The following GRIP1 variants were observed in gnomAD, a reference collection of about 807,000 sequenced individuals.
GRIP1 encodes glutamate receptor-interacting protein 1.
In GRIP1, 45 loss-of-function variants were observed where a neutral mutation model predicts 129.9. The ratio of observed to expected loss-of-function variants is 0.35; its 90% CI spans 0.27 to 0.44. GRIP1 has a LOEUF of 0.44. GRIP1 is among the 20% of genes least tolerant of loss of function. GRIP1 has a pLI of 1.00. For synonymous variants in GRIP1, 530 were observed against 520.8 expected, an observed-to-expected ratio of 1.02 and a Z score of -0.24; for missense variants, 1,196 against 1,396.8, an observed-to-expected ratio of 0.86 and a Z score of 2.29.
At position 66,406,296 on chromosome 12, in the gene GRIP1, A is replaced by G. The variant is rs1730435928; in HGVS notation, c.1971T>C (p.Asp657=). ...EDLVKLKIRK[D]EDNSDEQESS... ...TGCTCTCAATACCTGAATTATCTTC[A>G]TCTTTGCGGATTTTGAGCTTCACCA... The change falls in exon 16 of 25, where the codon GAT becomes GAC. Residue 657 remains aspartate, a synonymous_variant. Coordinates refer to ENST00000359742, the MANE Select transcript of GRIP1 (RefSeq NM_001366722.1). 6.2e-7 allele frequency: 1 copy of G among 1,614,030 alleles called. No homozygotes were observed. Among genetic ancestry groups the G allele is most frequent in the Admixed American group, 1.7e-5 (1 of 60,004 alleles).
In GRIP1 at chr12:67,068,952, CGGGT is replaced by C. The variant is rs1173725396; in HGVS notation, c.58+94_58+97del. ...GGGCGCGGCGCCCCTCCCCCGTCGG[CGGGT>C]GGACGGGTCGGGAGGGAGCCGGGGA... On this transcript the variant is annotated intron_variant, in intron 1 of 1. Coordinates refer to the GRIP1 transcript ENST00000643019. The C allele has an allele frequency of 2.2e-5, 10 of 450,948 alleles. No individual in the cohort carries two copies. The Admixed American group carries it at 6.5e-4, about 29-fold the overall frequency. The allele number at this position is 450,948 out of a possible 1,614,324, so 27.9% of individuals were successfully genotyped here. A position where few individuals can be genotyped will look rare whatever the true frequency, so the allele number is the denominator to read the frequency against.
At chr12:66,352,513 A>G (rs1285799461) in intron 24 of GRIP1, among the ~76,000 whole-genome samples, 5 of 151,942 alleles carry the variant, frequency 3.3e-5, no homozygotes, top group Admixed American at 1.3e-4. Context: ...TGGGTGGATC[A>G]CTTGAGGTCA....
intron 1 of GRIP1, among the ~76,000 whole-genome samples, chr12:67,056,248 T>C (rs1429318079): frequency 6.6e-6 from 1 of 152,158 alleles, no homozygotes; most frequent in Non-Finnish European, 1.5e-5. Context: ...AGTGAACATA[T>C]CTAGCATCTA....
At chr12:66,886,542 A>T (rs1418595977) in intron 1 of GRIP1, among the ~76,000 whole-genome samples, 1 of 152,096 alleles carries the variant, frequency 6.6e-6, no homozygotes, top group East Asian at 1.9e-4. Context: ...TCCCTGTTGA[A>T]AATGCTCTCA....
At chr12:66,748,133 C>T (rs1372318182) in intron 1 of GRIP1, among the ~76,000 whole-genome samples, 1 of 152,086 alleles carries the variant, frequency 6.6e-6, no homozygotes, top group Non-Finnish European at 1.5e-5. Context: ...ATTCTCCTGC[C>T]TCAGCCTCCC....
intron 7 of GRIP1, among the ~76,000 whole-genome samples, chr12:66,508,699 A>G (rs571270927): frequency 3.3e-5 from 5 of 152,274 alleles, no homozygotes; most frequent in Admixed American, 2.0e-4. Flanking sequence ...CAACTACAAT[A>G]GTTTGTTGGT....
intron 1 of GRIP1, among the ~76,000 whole-genome samples, chr12:66,940,365 G>T (rs925527145): frequency 2.6e-5 from 4 of 152,068 alleles, no homozygotes; most frequent in African/African-American, 9.7e-5. Context: ...TAGTAGGTGC[G>T]CTCAGTGAGT....
At chr12:66,892,710 C>A (rs2137237257) in intron 1 of GRIP1, among the ~76,000 whole-genome samples, 1 of 152,226 alleles carries the variant, frequency 6.6e-6, no homozygotes, top group South Asian at 2.1e-4. Context: ...ACGTGCAATC[C>A]CTGCATTTTG....
intron 1 of GRIP1, among the ~76,000 whole-genome samples, chr12:66,927,326 GT>G (rs924111518): frequency 6.6e-6 from 1 of 152,140 alleles, no homozygotes; most frequent in African/African-American, 2.4e-5. Context: ...CAGGCAATGT[GT>G]CAGATGTTAG....
intron 7 of GRIP1, among the ~76,000 whole-genome samples, chr12:66,467,023 A>C (rs2059305234): frequency 6.6e-6 from 1 of 152,222 alleles, no homozygotes; most frequent in African/African-American, 2.4e-5. Flanking sequence ...GACAATATCC[A>C]GGCCAACAAC....
At chr12:66,921,687 C>T (rs2041215854) in intron 1 of GRIP1, among the ~76,000 whole-genome samples, 2 of 152,228 alleles carry the variant, frequency 1.3e-5, no homozygotes, top group Admixed American at 1.3e-4. Flanking sequence ...GGACTGAACA[C>T]ACAAATCAGG....
At chr12:66,700,305 A>G (rs2035305492) in intron 1 of GRIP1, among the ~76,000 whole-genome samples, 1 of 152,162 alleles carries the variant, frequency 6.6e-6, no homozygotes, top group South Asian at 2.1e-4. Context: ...CTAAAAGTTC[A>G]GCCTGGGAGT....
chr12:66,684,672 C>A (rs1592741558), intron 1 of GRIP1, among the ~76,000 whole-genome samples: 1 of 152,094 alleles, frequency 6.6e-6, no homozygotes, highest in African/African-American at 2.4e-5. Flanking sequence ...TGGTGAAACC[C>A]TGTGTCTACT....
At chr12:67,055,790 G>C (rs929298161) in intron 1 of GRIP1, among the ~76,000 whole-genome samples, 2 of 152,188 alleles carry the variant, frequency 1.3e-5, no homozygotes, top group African/African-American at 2.4e-5. Flanking sequence ...AAAGTATTTA[G>C]AGACCCCCCA....
At chr12:67,013,931 C>T (rs557048154) in intron 1 of GRIP1, among the ~76,000 whole-genome samples, 1 of 152,326 alleles carries the variant, frequency 6.6e-6, no homozygotes, top group Admixed American at 6.5e-5. Flanking sequence ...CCAATCAGCG[C>T]AAGCTCAAGA....
At chr12:66,979,371 T>C (rs1457240390) in intron 1 of GRIP1, among the ~76,000 whole-genome samples, 1 of 149,904 alleles carries the variant, frequency 6.7e-6, no homozygotes, top group Non-Finnish European at 1.5e-5. Flanking sequence ...AATGAGTGAA[T>C]GCAGGAGTGA....
chr12:66,583,131 A>G (rs1177623216), intron 2 of GRIP1, among the ~76,000 whole-genome samples: 7 of 151,876 alleles, frequency 4.6e-5, no homozygotes, highest in Non-Finnish European at 1.0e-4. Flanking sequence ...ATCTTTGACA[A>G]ACCTGAGAAA....
chr12:66,383,939 C>T (rs933233173), intron 19 of GRIP1, among the ~76,000 whole-genome samples: 1 of 152,112 alleles, frequency 6.6e-6, no homozygotes, highest in Admixed American at 6.5e-5. Flanking sequence ...ATTGCTGGAG[C>T]CCCAGTAACT....
intron 1 of GRIP1, among the ~76,000 whole-genome samples, chr12:66,964,370 G>GTGTGA (rs1334653025): frequency 6.6e-6 from 1 of 152,082 alleles, no homozygotes; most frequent in East Asian, 1.9e-4. Flanking sequence ...GTGTATAGAT[G>GTGTGA]TGTGATGTGT....
Sources: allele counts gnomAD v4.1 joint callset (sites outside exome capture counted in the v4.1 genomes callset), GRCh38; gene constraint gnomAD v4.1.1; transcripts MANE v1.5; gene names NCBI Gene and HGNC (gene_info 2026-07-23, HGNC 2026-07-21).